TRIM37: variants seen among roughly 807,000 people sequenced by gnomAD.
TRIM37 encodes tripartite motif containing 37.
Under a neutral mutation model 129.8 loss-of-function variants are expected in TRIM37, and 80 were observed. The observed-to-expected ratio is 0.62, with a 90% CI of 0.51 to 0.74. The LOEUF (loss-of-function observed/expected upper bound fraction) is 0.74, where lower values mean the gene tolerates loss of function less well. TRIM37 is among the 30% of genes least tolerant of loss of function. TRIM37 has a pLI of 0.00. For synonymous variants in TRIM37, 389 were observed against 387.1 expected, an observed-to-expected ratio of 1.00 and a Z score of -0.06; for missense variants, 1,054 against 1,176.5, an observed-to-expected ratio of 0.90 and a Z score of 1.52.
chr17:59,095,754 T>G (rs1484912371), intron 2 of TRIM37, among the ~76,000 whole-genome samples: 3 of 152,230 alleles, frequency 2.0e-5, no homozygotes, highest in Non-Finnish European at 2.9e-5. Context: ...AGTCTCACTC[T>G]GTCACTCAGG....
At chr17:58,999,980 G>C (rs541419850) in intron 23 of TRIM37, among the ~76,000 whole-genome samples, 26 of 152,282 alleles carry the variant, frequency 1.7e-4, no homozygotes, top group African/African-American at 5.3e-4. Context: ...TATTGAAAAA[G>C]ATACCAGAGC....
the TRIM37 span, chr17:58,972,954 A>G: frequency 6.5e-7 from 1 of 1,532,870 alleles, no homozygotes; most frequent in Non-Finnish European, 9.0e-7. Context: ...TGTTTCTCCA[A>G]ACTGTCCTCT....
the TRIM37 span, chr17:58,972,024 T>C: frequency 9.6e-7 from 1 of 1,038,118 alleles, no homozygotes; most frequent in Non-Finnish European, 1.4e-6. Context: ...AATTCCATTA[T>C]TAATAGTATA....
At chr17:59,071,580 C>T (rs1465772357) in intron 8 of TRIM37, among the ~76,000 whole-genome samples, 2 of 152,014 alleles carry the variant, frequency 1.3e-5, no homozygotes, top group Admixed American at 6.6e-5. Context: ...CCACCGTGCC[C>T]GACCAAGGTG....
At chr17:59,047,841 A>C (rs1568086041) in intron 15 of TRIM37, 22 bp from the exon 16 acceptor site, 1 of 1,613,354 alleles carries the variant, frequency 6.2e-7, no homozygotes, top group Non-Finnish European at 8.5e-7. Context: ...CCAAGAAAAC[A>C]AGACGTCTAT....
At chr17:59,007,726 C>T (rs2034722465) in intron 22 of TRIM37, among the ~76,000 whole-genome samples, 1 of 152,046 alleles carries the variant, frequency 6.6e-6, no homozygotes, top group African/African-American at 2.4e-5. Context: ...CATATGGTTC[C>T]AGTAAAAAGG....
intron 2 of TRIM37, among the ~76,000 whole-genome samples, chr17:59,096,549 C>CA (rs11463387): frequency 0.45 from 40,099 of 89,914 alleles, 7,219 homozygotes; most frequent in Middle Eastern, 0.57. Context: ...GACTCTGTCT[C>CA]AAAAAAAAAA....
intron 20 of TRIM37, 90 bp downstream of exon 20, chr17:59,017,206 C>G (rs1370369602): frequency 5.3e-6 from 8 of 1,500,664 alleles, no homozygotes; most frequent in Non-Finnish European, 7.4e-6. Flanking sequence ...TTTTTGGTGC[C>G]CTTCAAGATC....
Position 59,036,164 on chromosome 17 carries a change from T to C in TRIM37, c.1754-4074A>G, listed in dbSNP as rs546887273. Reference sequence around the variant, plus strand: ...AGCTCACGCCTATAATCCCAACACTTTGGGAGGCTGAGGCAGGAGGACTAA... The same window carrying C: ...AGCTCACGCCTATAATCCCAACACTCTGGGAGGCTGAGGCAGGAGGACTAA... On this transcript the variant is annotated intron_variant, in intron 17 of 23. Coordinates refer to ENST00000262294, the MANE Select transcript of TRIM37 (RefSeq NM_015294.6). 2.0e-5 allele frequency among the ~76,000 whole-genome samples: 3 copies of C among 152,234 alleles called. No individual in the cohort carries two copies. The South Asian group carries it at 6.2e-4, about 32-fold the overall frequency.
intron 16 of TRIM37, among the ~76,000 whole-genome samples, chr17:59,042,808 A>G (rs1485147698): frequency 1.3e-5 from 2 of 152,080 alleles, no homozygotes; most frequent in Non-Finnish European, 2.9e-5. Flanking sequence ...GGAAGATTAA[A>G]AAAAAAGAAC....
downstream of TRIM37, among the ~76,000 whole-genome samples, chr17:58,993,588 A>ACAGAT (rs575662411): frequency 1.3e-4 from 20 of 152,312 alleles, no homozygotes; most frequent in South Asian, 2.1e-4. Flanking sequence ...AGGGCAGAGA[A>ACAGAT]CAGATCAGAT....
exon 25 of TRIM37, chr17:58,982,862 C>T (rs2031443155): frequency 6.5e-7 from 1 of 1,542,604 alleles, no homozygotes. Flanking sequence ...TATCTGTCAC[C>T]TTCTGAAGCC....
intron 13 of TRIM37, 51 bp downstream of exon 13, chr17:59,056,824 T>A (rs771458733): frequency 6.7e-6 from 10 of 1,482,840 alleles, no homozygotes; most frequent in South Asian, 1.1e-5. Context: ...ATAGTTCTGA[T>A]GATATTATTT....
At chr17:59,017,637 T>A (rs1044707844) in intron 19 of TRIM37, among the ~76,000 whole-genome samples, 1 of 151,790 alleles carries the variant, frequency 6.6e-6, no homozygotes, top group Non-Finnish European at 1.5e-5. Flanking sequence ...TTTTTTTTTT[T>A]CCCCCAGATG....
chr17:59,005,165 G>A (rs1005234046), intron 22 of TRIM37, among the ~76,000 whole-genome samples: 15 of 152,096 alleles, frequency 9.9e-5, no homozygotes, highest in Admixed American at 7.2e-4. Flanking sequence ...CTGAATTCCC[G>A]ACAAATACCA....
At chr17:59,030,429 C>G (rs1188962573) in intron 18 of TRIM37, among the ~76,000 whole-genome samples, 1 of 152,130 alleles carries the variant, frequency 6.6e-6, no homozygotes, top group Non-Finnish European at 1.5e-5. Flanking sequence ...TTTTAGCTGT[C>G]TACTGGTCCT....
At chr17:59,104,491 G>T in intron 1 of TRIM37, 97 bp from the exon 2 acceptor site, 2 of 1,077,676 alleles carry the variant, frequency 1.9e-6, no homozygotes, top group Non-Finnish European at 2.9e-6. Flanking sequence ...ATTTATTTTG[G>T]GCTGATCTCT....
At chr17:59,081,334 C>T in intron 5 of TRIM37, 115 bp from the exon 6 acceptor site, 1 of 1,433,964 alleles carries the variant, frequency 7.0e-7, no homozygotes, top group Non-Finnish European at 9.5e-7. Context: ...TGAACTTTAC[C>T]TTATTAGCTA....
the TRIM37 span, among the ~76,000 whole-genome samples, chr17:58,976,609 T>A: frequency 4.6e-5 from 7 of 152,210 alleles, no homozygotes; most frequent in Non-Finnish European, 8.8e-5. Flanking sequence ...ATATGTTTCC[T>A]AACATATGGA....
Sources: gnomAD v4.1 joint callset for allele counts (sites outside exome capture counted in the v4.1 genomes callset) on GRCh38, gnomAD v4.1.1 for gene constraint, MANE v1.5 for transcripts, NCBI Gene and HGNC (gene_info 2026-07-23, HGNC 2026-07-21) for gene names.